Variants in BAIAP2L1 observed in about 807,000 individuals in gnomAD.
The protein encoded by BAIAP2L1 is BAR/IMD domain containing adaptor protein 2 like 1, also known as BAR/IMD domain-containing adapter protein 2-like 1.
A neutral mutation model predicts 66.3 loss-of-function variants in BAIAP2L1; 35 were observed. That is an observed-to-expected ratio of 0.53 (90% confidence interval 0.40 to 0.70). The LOEUF (loss-of-function observed/expected upper bound fraction) is 0.70, where lower values mean the gene tolerates loss of function less well. Among genes scored for constraint, BAIAP2L1 ranks in the 30% least tolerant of loss-of-function variants. The pLI is 0.00. For synonymous variants in BAIAP2L1, 269 were observed against 248.7 expected (o/e 1.08, Z -0.77); for missense variants, 622 against 656.9 (o/e 0.95, Z 0.58).
chr7:98,344,234 T>C (rs545628598), intron 3 of BAIAP2L1, among the ~76,000 whole-genome samples: 86 of 152,264 alleles, frequency 5.6e-4, no homozygotes, highest in Admixed American at 1.7e-3. Flanking sequence ...TGGCTGTAGT[T>C]TGCTCACCCC....
At chr7:98,385,482 G>A (rs1294463401) in intron 1 of BAIAP2L1, among the ~76,000 whole-genome samples, 6 of 151,908 alleles carry the variant, frequency 3.9e-5, no homozygotes, top group Admixed American at 6.6e-5. Context: ...GTGCAGTGGC[G>A]CAATCTCTGC....
At chr7:98,369,982 T>C (rs543965303) in intron 1 of BAIAP2L1, among the ~76,000 whole-genome samples, 4 of 152,208 alleles carry the variant, frequency 2.6e-5, no homozygotes, top group African/African-American at 9.6e-5. Context: ...AATTTCCTGA[T>C]ATAATTCTTA....
Position 98,293,056 on chromosome 7 carries a change from A to G in BAIAP2L1, c.*465T>C, listed in dbSNP as rs1721702499. 3 of 844,390 alleles carry G rather than the reference A, an allele frequency of 3.6e-6. No individual in the cohort carries two copies. The highest frequency in any genetic ancestry group is 4.4e-6 in the Non-Finnish European group (3 of 680,822). 52.3% of individuals were successfully genotyped at this position (844,390 alleles called of 1,614,324 possible). On this transcript the variant is annotated 3_prime_UTR_variant, in exon 14 of 14. Coordinates refer to ENST00000005260, the MANE Select transcript of BAIAP2L1 (RefSeq NM_018842.5). ...ATTTTCATAATTTATATTGCTTAAA[A>G]TTATGATTTGCATGCTAAGATGCAA...
intron 1 of BAIAP2L1, among the ~76,000 whole-genome samples, chr7:98,365,430 T>C (rs1441918751): frequency 6.6e-6 from 1 of 152,216 alleles, no homozygotes; most frequent in Non-Finnish European, 1.5e-5. Context: ...TGATATATCT[T>C]AATTTCTAAG....
At position 98,361,306 on chromosome 7, in the gene BAIAP2L1, G is replaced by A. The variant is rs191819932; in HGVS notation, c.127+1051C>T. Among the ~76,000 whole-genome samples the A allele has an allele frequency of 3.0e-3, 461 of 151,678 alleles. 1 individual carries two copies. The highest frequency in any genetic ancestry group is 0.011 in the African/African-American group (446 of 41,318). On this transcript the variant is annotated intron_variant, in intron 2 of 13. Coordinates refer to ENST00000005260, the MANE Select transcript of BAIAP2L1 (RefSeq NM_018842.5). Reference sequence around the variant, plus strand: ...TGGGAGGCAGAGGTTGCAGTGAGCCGAGATTGTTCCACTGCACTCCAGCCT... The same window carrying A: ...TGGGAGGCAGAGGTTGCAGTGAGCCAAGATTGTTCCACTGCACTCCAGCCT...
chr7:98,364,629 C>T (rs895882445), intron 1 of BAIAP2L1, among the ~76,000 whole-genome samples: 2 of 151,814 alleles, frequency 1.3e-5, no homozygotes, highest in Non-Finnish European at 2.9e-5. Flanking sequence ...TTTACCTTGA[C>T]GTTTGCTATT....
chr7:98,292,817 G>A lies in BAIAP2L1; in HGVS notation c.*704C>T, dbSNP rs1800025007. 1 of 1,505,096 alleles carries A rather than the reference G, an allele frequency of 6.6e-7. No individual in the cohort carries two copies. Among genetic ancestry groups the A allele is most frequent in the Non-Finnish European group, 8.9e-7 (1 of 1,123,750 alleles). The allele number at this position is 1,505,096 out of a possible 1,614,324, so 93.2% of individuals were successfully genotyped here. A position where few individuals can be genotyped will look rare whatever the true frequency, so the allele number is the denominator to read the frequency against. ...CGACGCCCAGGCCTGTGTCCTGGAT[G>A]GGCCGTGTGCAGCGAATCCGTTGGC... On this transcript the variant is annotated 3_prime_UTR_variant, in exon 14 of 14. Transcript: ENST00000005260.
rs529246073 is a variant in BAIAP2L1 at position 98,292,636 on chromosome 7, C to T, written c.*885G>A. The T allele has an allele frequency of 3.9e-6, 6 of 1,551,666 alleles. No individual in the cohort carries two copies. In the Admixed American group the frequency reaches 5.9e-5, roughly 15 times the overall value. On this transcript the variant is annotated 3_prime_UTR_variant, in exon 14 of 14. Coordinates refer to ENST00000005260, the MANE Select transcript of BAIAP2L1 (RefSeq NM_018842.5). The stretch of plus-strand genomic sequence containing the variant: ...CTAGGCTGAAAAACCCGCCCTTCTC[C>T]AGGCACCAGAGGTCATCCTGGCTTT...
In BAIAP2L1 at chr7:98,400,835, C is replaced by G; in HGVS notation, c.18G>C (p.Glu6Asp). 6.5e-7 allele frequency: 1 copy of G among 1,546,170 alleles called. No homozygotes were observed. Among genetic ancestry groups the G allele is most frequent in the Non-Finnish European group, 8.7e-7 (1 of 1,144,888 alleles). Residue 6 changes from glutamate to aspartate, a missense_variant, in exon 1 of 14, where the codon GAG (glutamate) becomes GAC (aspartate). Transcript: ENST00000005260. MSRGP[E>D]EVNRLTESTY... ...TGCTCTCCGTGAGCCGGTTCACCTC[C>G]TCGGGCCCCCGGGACATGGCTGCGG...
chr7:98,312,119 G>T lies in BAIAP2L1; in HGVS notation c.785C>A (p.Pro262His). Residue 262 changes from proline (P) to histidine (H), a missense_variant, in exon 8 of 14, where the codon CCC becomes CAC. Pro to His is a moderately conservative substitution (Grantham distance 77). Coordinates refer to ENST00000005260, the MANE Select transcript of BAIAP2L1 (RefSeq NM_018842.5). Reference protein sequence around the residue: ...TPVSGTPQASPMIERSNVVRK... With the variant: ...TPVSGTPQASHMIERSNVVRK... ...TACCACATTGCTTCTCTCGATCATGGGTGAAGCCTGAGGAGTTCCAGACAC... is the reference window on the plus strand; with the variant it reads ...TACCACATTGCTTCTCTCGATCATGTGTGAAGCCTGAGGAGTTCCAGACAC... 2.5e-6 allele frequency: 4 copies of T among 1,609,978 alleles called. No individual in the cohort carries two copies. In the East Asian group the frequency reaches 8.9e-5, roughly 36 times the overall value.
intron 3 of BAIAP2L1, among the ~76,000 whole-genome samples, chr7:98,342,331 G>A (rs11765794): frequency 0.38 from 58,239 of 151,932 alleles, 12,560 homozygotes; most frequent in Middle Eastern, 0.55. Flanking sequence ...TTACAGGTGT[G>A]AGCCACTGCA....
chr7:98,359,755 T>G lies in BAIAP2L1; in HGVS notation c.127+2602A>C, dbSNP rs995715671. 5.4e-5 allele frequency among the ~76,000 whole-genome samples: 8 copies of G among 149,172 alleles called. No individual in the cohort carries two copies. In the South Asian group the frequency reaches 8.4e-4, roughly 16 times the overall value. ...CACCTGTAGACCTGGGTTTTTTTTT[T>G]TTTTTTTTTTTTTAATTTTTTTGAG... is the stretch of plus-strand genomic sequence containing the variant. On this transcript the variant is annotated intron_variant, in intron 2 of 13. Coordinates refer to ENST00000005260, the MANE Select transcript of BAIAP2L1 (RefSeq NM_018842.5).
chr7:98,305,480 C>G (rs1215351978), intron 11 of BAIAP2L1, among the ~76,000 whole-genome samples: 1 of 152,162 alleles, frequency 6.6e-6, no homozygotes, highest in Non-Finnish European at 1.5e-5. Flanking sequence ...TGGAGGCCTT[C>G]TACCTGGCTA....
chr7:98,321,766 TG>T (rs1801253776), intron 3 of BAIAP2L1, among the ~76,000 whole-genome samples: 1 of 152,144 alleles, frequency 6.6e-6, no homozygotes, highest in Non-Finnish European at 1.5e-5. Flanking sequence ...CAGCAAGATG[TG>T]CCGGCGGACC....
At chr7:98,399,952 C>T (rs1310872387) in intron 1 of BAIAP2L1, 1 of 151,950 alleles carries the variant, frequency 6.6e-6, no homozygotes, top group East Asian at 2.0e-4. Context: ...GAGGGCGTTT[C>T]CCGGGAGAAC....
At chr7:98,312,074 T>C in intron 8 of BAIAP2L1, 23 bp downstream of exon 8, 1 of 1,572,086 alleles carries the variant, frequency 6.4e-7, no homozygotes. Context: ...GATTGAAATC[T>C]GGAAGAGAAA....
At chr7:98,357,423 C>T (rs1048630804) in intron 2 of BAIAP2L1, among the ~76,000 whole-genome samples, 5 of 151,042 alleles carry the variant, frequency 3.3e-5, no homozygotes, top group Admixed American at 1.3e-4. Context: ...AAAAATTAGC[C>T]GGGCATGGTG....
At chr7:98,374,076 C>T (rs771361332) in intron 1 of BAIAP2L1, among the ~76,000 whole-genome samples, 28 of 152,052 alleles carry the variant, frequency 1.8e-4, no homozygotes, top group Non-Finnish European at 3.1e-4. Flanking sequence ...CCTCAGCCTC[C>T]GAGTAGGTGG....
At chr7:98,328,735 ACTC>A (rs1360305679) in intron 3 of BAIAP2L1, among the ~76,000 whole-genome samples, 4 of 151,622 alleles carry the variant, frequency 2.6e-5, no homozygotes, top group South Asian at 2.1e-4. Context: ...GTGCCCACAC[ACTC>A]CTCAACAGGC....
Sources: allele counts gnomAD v4.1 joint callset (sites outside exome capture counted in the v4.1 genomes callset), GRCh38; gene constraint gnomAD v4.1.1; transcripts MANE v1.5; gene names NCBI Gene and HGNC (gene_info 2026-07-23, HGNC 2026-07-21).